The following NPSR1 variants were observed in gnomAD, a reference collection of about 807,000 sequenced individuals.
NPSR1 encodes neuropeptide S receptor.
NPSR1 carries 48 observed loss-of-function variants against 46.9 expected under a neutral mutation model. That is an observed-to-expected ratio of 1.02 (90% confidence interval 0.81 to 1.30). The LOEUF (loss-of-function observed/expected upper bound fraction) is 1.30, where lower values mean the gene tolerates loss of function less well. NPSR1 is among the 50% of genes most tolerant of loss of function. NPSR1 has a pLI of 0.00. For synonymous variants in NPSR1, 176 were observed against 168.1 expected, an observed-to-expected ratio of 1.05 and a Z score of -0.36; for missense variants, 450 against 449.5, an observed-to-expected ratio of 1.00 and a Z score of -0.01.
downstream of NPSR1, among the ~76,000 whole-genome samples, chr7:34,852,020 G>A (rs1254436933): frequency 2.0e-5 from 3 of 152,122 alleles, no homozygotes; most frequent in Non-Finnish European, 4.4e-5. Flanking sequence ...GTAATTGGCC[G>A]GGCACAGTGG....
intron 2 of NPSR1, among the ~76,000 whole-genome samples, chr7:34,726,987 A>G (rs1024441057): frequency 6.6e-6 from 1 of 152,184 alleles, no homozygotes; most frequent in African/African-American, 2.4e-5. Context: ...CAACACCAAG[A>G]GTGAACCCTA....
At chr7:34,713,098 T>C (rs762723147) in intron 2 of NPSR1, among the ~76,000 whole-genome samples, 1 of 152,178 alleles carries the variant, frequency 6.6e-6, no homozygotes, top group Non-Finnish European at 1.5e-5. Flanking sequence ...CTTCTGTGAT[T>C]GTTAAGAAGG....
Position 34,865,858 on chromosome 7 carries a change from A to G in NPSR1, c.1026-12218A>G, listed in dbSNP as rs192136908. On this transcript the variant is annotated intron_variant, in intron 8 of 8. Coordinates refer to the NPSR1 transcript ENST00000359791. ...TGAAGGGTCATTCTCAGCAGACATA[A>G]TAAGGATCCTGGATGCATTCTTCTT... 4.2e-4 allele frequency among the ~76,000 whole-genome samples: 63 copies of G among 151,794 alleles called. 2 individuals carry two copies. Among genetic ancestry groups the G allele is most frequent in the African/African-American group, 1.4e-3 (59 of 41,118 alleles).
chr7:34,834,282 C>G (rs771407876), intron 5 of NPSR1, 102 bp from the exon 6 acceptor site: 13 of 827,480 alleles, frequency 1.6e-5, no homozygotes, highest in Non-Finnish European at 2.5e-5. Flanking sequence ...AAAGATCTGT[C>G]CCTTCACACC....
intron 3 of NPSR1, among the ~76,000 whole-genome samples, chr7:34,804,541 A>C (rs1788591840): frequency 6.6e-6 from 1 of 152,110 alleles, no homozygotes; most frequent in East Asian, 1.9e-4. Flanking sequence ...CATTAACAGC[A>C]TCTAAAAAAA....
intron 2 of NPSR1, chr7:34,751,737 G>A: frequency 2.5e-6 from 4 of 1,585,320 alleles, no homozygotes; most frequent in Non-Finnish European, 3.5e-6. Flanking sequence ...CCCCCTGACT[G>A]GTTCTCTTCT....
intron 2 of NPSR1, among the ~76,000 whole-genome samples, chr7:34,747,545 T>C (rs1785269945): frequency 6.6e-6 from 1 of 152,170 alleles, no homozygotes; most frequent in Non-Finnish European, 1.5e-5. Flanking sequence ...AAGTGCAAGG[T>C]GGAATCAGAG....
intron 2 of NPSR1, among the ~76,000 whole-genome samples, chr7:34,747,609 G>GACACACACACACAT (rs1562698851): frequency 6.8e-6 from 1 of 147,054 alleles, no homozygotes; most frequent in Admixed American, 6.8e-5. Flanking sequence ...AGGCATCTTA[G>GACACACACACACAT]ACACACACAC....
At chr7:34,699,390 C>T (rs2128694782) in intron 2 of NPSR1, among the ~76,000 whole-genome samples, 1 of 152,332 alleles carries the variant, frequency 6.6e-6, no homozygotes, top group Non-Finnish European at 1.5e-5. Flanking sequence ...GCAATGCTAA[C>T]ATGCTTTCAT....
chr7:34,747,908 G>C (rs927568844), intron 2 of NPSR1, among the ~76,000 whole-genome samples: 1 of 152,142 alleles, frequency 6.6e-6, no homozygotes, highest in Non-Finnish European at 1.5e-5. Context: ...GTTAAAGAAG[G>C]GATCTGGACA....
intron 3 of NPSR1, 47 bp downstream of exon 3, chr7:34,778,612 T>C: frequency 1.7e-6 from 2 of 1,200,700 alleles, no homozygotes; most frequent in Non-Finnish European, 2.5e-6. Context: ...ATACCAGAGT[T>C]AGCTTTTAGA....
chr7:34,814,270 T>A (rs1281992345), intron 4 of NPSR1, among the ~76,000 whole-genome samples: 1 of 152,046 alleles, frequency 6.6e-6, no homozygotes, highest in Non-Finnish European at 1.5e-5. Context: ...GCTCAGGAGG[T>A]CTGGAGCCTT....
At chr7:34,833,763 G>C (rs148764731) in intron 5 of NPSR1, among the ~76,000 whole-genome samples, 4 of 152,192 alleles carry the variant, frequency 2.6e-5, no homozygotes, top group Admixed American at 2.6e-4. Context: ...GACTGGGAGA[G>C]GCTCTTTTCC....
chr7:34,792,665 T>TTATATATATATGTATATATATATTTA (rs201284297), intron 3 of NPSR1, among the ~76,000 whole-genome samples: 1 of 78,764 alleles, frequency 1.3e-5, no homozygotes, highest in Non-Finnish European at 2.8e-5. Flanking sequence ...ATATATATAT[T>TTATATATATATGTATATATATATTTA]TATATATATG....
chr7:34,707,264 A>G (rs1435837013), intron 2 of NPSR1, among the ~76,000 whole-genome samples: 1 of 152,206 alleles, frequency 6.6e-6, no homozygotes, highest in Admixed American at 6.5e-5. Context: ...TTCTAATTAG[A>G]AATTTCCAAC....
intron 8 of NPSR1, among the ~76,000 whole-genome samples, chr7:34,868,953 C>A (rs1403571320): frequency 6.6e-6 from 1 of 151,770 alleles, no homozygotes; most frequent in African/African-American, 2.4e-5. Context: ...GAAGACAGGA[C>A]TTCAGCAGGA....
chr7:34,790,765 A>G, intron 3 of NPSR1, among the ~76,000 whole-genome samples: 1 of 125,218 alleles, frequency 8.0e-6, no homozygotes, highest in African/African-American at 2.8e-5. Flanking sequence ...TATATGTTAT[A>G]TATAATATAT....
At position 34,688,058 on chromosome 7, in the gene NPSR1, T is replaced by C. The variant is rs111426006; in HGVS notation, c.280+3374T>C. On this transcript the variant is annotated intron_variant, in intron 2 of 8. Coordinates refer to ENST00000360581, the MANE Select transcript of NPSR1 (RefSeq NM_207172.2). ...TTTGATAAACATTCCAGGGTTTCCATTGGTACTGCTGAAAAGATACAACCT... is the reference window on the plus strand; with the variant it reads ...TTTGATAAACATTCCAGGGTTTCCACTGGTACTGCTGAAAAGATACAACCT... 7.2e-3 allele frequency among the ~76,000 whole-genome samples: 1,091 copies of C among 152,298 alleles called. 14 individuals carry two copies. The highest frequency in any genetic ancestry group is 0.025 in the African/African-American group (1,041 of 41,566).
At chr7:34,677,663 G>T (rs1360299964) in intron 1 of NPSR1, among the ~76,000 whole-genome samples, 1 of 152,208 alleles carries the variant, frequency 6.6e-6, no homozygotes, top group Non-Finnish European at 1.5e-5. Context: ...GGGGCCAACA[G>T]ATTCGTCTGC....
Sources: gnomAD v4.1 joint callset for allele counts (sites outside exome capture counted in the v4.1 genomes callset) on GRCh38, gnomAD v4.1.1 for gene constraint, MANE v1.5 for transcripts, NCBI Gene and HGNC (gene_info 2026-07-23, HGNC 2026-07-21) for gene names.